THADA: variants seen among roughly 807,000 people sequenced by gnomAD.
The protein encoded by THADA is THADA armadillo repeat containing.
Under a neutral mutation model 219.8 loss-of-function variants are expected in THADA, and 213 were observed. That is an observed-to-expected ratio of 0.97 (90% CI 0.87 to 1.09). The LOEUF (loss-of-function observed/expected upper bound fraction) is 1.09, where lower values mean the gene tolerates loss of function less well. Among genes scored for constraint, THADA ranks in the 50% least tolerant of loss-of-function variants. THADA has a pLI of 0.00. For synonymous variants in THADA, 1,018 were observed against 828.9 expected, an observed-to-expected ratio of 1.23 and a Z score of -3.92; for missense variants, 2,956 against 2,311.3, an observed-to-expected ratio of 1.28 and a Z score of -5.72.
Position 43,314,414 on chromosome 2 carries a change from G to A in THADA, c.4438+6032C>T, listed in dbSNP as rs190248919. Among the ~76,000 whole-genome samples, 14 of 152,258 alleles carry A rather than the reference G, an allele frequency of 9.2e-5. No individual in the cohort carries two copies. The East Asian group carries it at 2.7e-3, about 29-fold the overall frequency. ...AATGAAAGTCTGAAAGTGCAGGTAG[G>A]TATTTGTTTAAATACTTGGTAAAAG... On this transcript the variant is annotated intron_variant, in intron 31 of 37. Coordinates refer to ENST00000405975, the MANE Select transcript of THADA (RefSeq NM_022065.5).
At chr2:43,517,017 T>C (rs1691809904) in intron 22 of THADA, among the ~76,000 whole-genome samples, 1 of 152,188 alleles carries the variant, frequency 6.6e-6, no homozygotes, top group Admixed American at 6.5e-5. Context: ...CTTTTCAGAT[T>C]GATTTCATTC....
Position 43,232,768 on chromosome 2 carries a change from C to T in THADA, c.5411G>A (p.Gly1804Glu). The stretch of plus-strand genomic sequence containing the variant: ...GTCATCACTCTCTCCCAACAGCCAT[C>T]CCAGCAGGATGGGCAGTCCAGGGGC... Reference protein sequence around the residue: ...QLAPGLPILLGWLLGESDDLV... With the variant: ...QLAPGLPILLEWLLGESDDLV... The change falls in exon 37 of 38, where the codon GGA becomes GAA. Residue 1804 changes from glycine to glutamate, a missense_variant. Transcript: ENST00000405975. 2 of 1,613,810 alleles carry T rather than the reference C, an allele frequency of 1.2e-6. No individual in the cohort carries two copies. Among genetic ancestry groups the T allele is most frequent in the Admixed American group, 1.7e-5 (1 of 59,986 alleles).
At chr2:43,320,217 C>A (rs1175128796) in intron 31 of THADA, among the ~76,000 whole-genome samples, 1 of 152,220 alleles carries the variant, frequency 6.6e-6, no homozygotes, top group Non-Finnish European at 1.5e-5. Context: ...AGAGTTCACT[C>A]TTCCCTGAAT....
chr2:43,579,419 T>C (rs1413728347), intron 8 of THADA, among the ~76,000 whole-genome samples: 2 of 152,232 alleles, frequency 1.3e-5, no homozygotes, highest in East Asian at 3.8e-4. Context: ...TTTGACTTGG[T>C]ATCTTCTTTT....
chr2:43,420,527 T>A (rs1677577766), intron 28 of THADA, among the ~76,000 whole-genome samples: 1 of 152,204 alleles, frequency 6.6e-6, no homozygotes, highest in Admixed American at 6.5e-5. Flanking sequence ...TGTGTGCAGA[T>A]CAAATCACTT....
chr2:43,316,899 C>T (rs1479188471), intron 31 of THADA, among the ~76,000 whole-genome samples: 1 of 152,180 alleles, frequency 6.6e-6, no homozygotes, highest in African/African-American at 2.4e-5. Context: ...TGTACTCCAG[C>T]TTGTGCAACA....
At chr2:43,564,918 A>C (rs1698488845) in intron 15 of THADA, 1 of 152,248 alleles carries the variant, frequency 6.6e-6, no homozygotes, top group Non-Finnish European at 1.5e-5. Flanking sequence ...AAGAGGCATA[A>C]TAACAAAACG....
At chr2:43,296,861 C>A (rs1004623951) in intron 31 of THADA, among the ~76,000 whole-genome samples, 2 of 145,778 alleles carry the variant, frequency 1.4e-5, no homozygotes, top group African/African-American at 5.3e-5. Flanking sequence ...GAGGCAGCGG[C>A]TGGAGGAGCG....
intron 28 of THADA, among the ~76,000 whole-genome samples, chr2:43,399,769 A>G (rs1415304903): frequency 6.6e-6 from 1 of 152,154 alleles, no homozygotes; most frequent in East Asian, 1.9e-4. Flanking sequence ...TATTCTTTTT[A>G]AGTGATTAAA....
rs148427425 is a variant in THADA, at chr2:43,232,516, G to T, written c.5466+197C>A. 3.9e-5 allele frequency among the ~76,000 whole-genome samples: 6 copies of T among 152,314 alleles called. No homozygotes were observed. In the East Asian group the frequency reaches 1.2e-3, roughly 29 times the overall value. On this transcript the variant is annotated intron_variant, in intron 37 of 37. Transcript: ENST00000405975. ...CGAGTTCTCTCCCCTGGCTAAGCTG[G>T]AGGCTGACCATCAGCACCCCAGAAG...
At chr2:43,338,602 T>A (rs2104520709) in intron 30 of THADA, among the ~76,000 whole-genome samples, 1 of 152,356 alleles carries the variant, frequency 6.6e-6, no homozygotes, top group Non-Finnish European at 1.5e-5. Context: ...ATTAGCAGAA[T>A]CATATAGTAT....
At chr2:43,569,487 C>T (rs1194362941) in intron 14 of THADA, among the ~76,000 whole-genome samples, 1 of 152,082 alleles carries the variant, frequency 6.6e-6, no homozygotes, top group Non-Finnish European at 1.5e-5. Context: ...AGGAGTAAAC[C>T]CATGTCTTTA....
At chr2:43,435,768 G>A (rs772897829) in intron 26 of THADA, among the ~76,000 whole-genome samples, 11 of 134,646 alleles carry the variant, frequency 8.2e-5, no homozygotes, top group African/African-American at 3.1e-4. Context: ...GGGCAAGAGT[G>A]AGAACTTGCC....
chr2:43,441,716 G>C (rs953322524), intron 26 of THADA, among the ~76,000 whole-genome samples: 4 of 152,110 alleles, frequency 2.6e-5, no homozygotes, highest in Admixed American at 2.6e-4. Flanking sequence ...CATAGGTTTT[G>C]GACTGCCCAT....
chr2:43,446,626 C>T (rs77620935), intron 26 of THADA, among the ~76,000 whole-genome samples: 12,732 of 152,234 alleles, frequency 0.084, 593 homozygotes, highest in South Asian at 0.14. Context: ...CAGCTAAACC[C>T]GCCTGCCACA....
chr2:43,453,591 G>A (rs754218072), intron 26 of THADA, among the ~76,000 whole-genome samples: 22 of 152,310 alleles, frequency 1.4e-4, no homozygotes, highest in Middle Eastern at 3.4e-3. Context: ...TATTAAGTTA[G>A]ATATTCCAAG....
rs7565650 is a variant in THADA at position 43,405,430 on chromosome 2, G to C, written c.4059-7291C>G. Among the ~76,000 whole-genome samples, 257 of 152,266 alleles carry C rather than the reference G, an allele frequency of 1.7e-3. 2 individuals are homozygous for C. The highest frequency in any genetic ancestry group is 0.01 in the Middle Eastern group (3 of 294). On this transcript the variant is annotated intron_variant, in intron 28 of 37. Transcript: ENST00000405975. The stretch of plus-strand genomic sequence containing the variant: ...TTGTTATAAATGTGGCATTCCTGAA[G>C]CCCTTTTCCACATTCTCAGGTGAGT...
chr2:43,550,257 C>T (rs72867039), intron 19 of THADA, among the ~76,000 whole-genome samples: 2,147 of 152,196 alleles, frequency 0.014, 36 homozygotes, highest in African/African-American at 0.046. Flanking sequence ...ATCGAAGAAC[C>T]GGTATTTATT....
At chr2:43,358,248 T>A (rs536449561) in intron 29 of THADA, among the ~76,000 whole-genome samples, 1 of 152,322 alleles carries the variant, frequency 6.6e-6, no homozygotes, top group South Asian at 2.1e-4. Flanking sequence ...TATTCTTTTT[T>A]TGTCATATAT....
Sources: gnomAD v4.1 joint callset for allele counts (sites outside exome capture counted in the v4.1 genomes callset) on GRCh38, gnomAD v4.1.1 for gene constraint, MANE v1.5 for transcripts, NCBI Gene and HGNC (gene_info 2026-07-23, HGNC 2026-07-21) for gene names.